The following NKAIN3 variants were observed in gnomAD, a reference collection of about 807,000 sequenced individuals.
NKAIN3 encodes the protein sodium/potassium transporting ATPase interacting 3.
NKAIN3 carries 25 observed loss-of-function variants against 30.2 expected under a neutral mutation model. The observed-to-expected ratio is 0.83, with a 90% confidence interval of 0.60 to 1.16. The LOEUF (loss-of-function observed/expected upper bound fraction) is 1.16, where lower values mean the gene tolerates loss of function less well. NKAIN3 is among the 50% of genes most tolerant of loss of function. The probability of loss-of-function intolerance (pLI) is 0.00; values close to 1 mark genes in which losing one functional copy is unlikely to be tolerated. For missense variants in NKAIN3, 225 were observed against 254.1 expected (o/e 0.89, Z 0.78); for synonymous variants, 91 against 89.6 (o/e 1.02, Z -0.09).
chr8:62,881,768 G>C (rs1165167193), intron 4 of NKAIN3, among the ~76,000 whole-genome samples: 1 of 152,190 alleles, frequency 6.6e-6, no homozygotes, highest in Non-Finnish European at 1.5e-5. Context: ...GTGATTGCTG[G>C]ATCATATGGT....
chr8:62,666,747 C>T (rs1054700827), intron 3 of NKAIN3, among the ~76,000 whole-genome samples: 2 of 151,930 alleles, frequency 1.3e-5, no homozygotes, highest in African/African-American at 4.8e-5. Flanking sequence ...ATTATGGTGC[C>T]AAATAGAACT....
chr8:62,896,314 T>C (rs1488115195), intron 4 of NKAIN3, among the ~76,000 whole-genome samples: 1 of 151,994 alleles, frequency 6.6e-6, no homozygotes, highest in South Asian at 2.1e-4. Flanking sequence ...CTAATTACCT[T>C]CCAAAAGCAT....
chr8:62,749,683 T>A (rs1472706632), intron 4 of NKAIN3, among the ~76,000 whole-genome samples: 1 of 117,478 alleles, frequency 8.5e-6, no homozygotes, highest in Non-Finnish European at 1.8e-5. Context: ...TCTTTTCTTT[T>A]TTTTTTTTTT....
chr8:62,417,597 C>T (rs1804489329), intron 1 of NKAIN3, among the ~76,000 whole-genome samples: 1 of 152,236 alleles, frequency 6.6e-6, no homozygotes, highest in African/African-American at 2.4e-5. Context: ...CAACAGTATA[C>T]AAGAGTTCTC....
intron 3 of NKAIN3, among the ~76,000 whole-genome samples, chr8:62,593,402 A>C (rs1172628316): frequency 6.6e-6 from 1 of 152,012 alleles, no homozygotes; most frequent in African/African-American, 2.4e-5. Flanking sequence ...GAAGAAATGT[A>C]GATTTAAGTT....
intron 3 of NKAIN3, among the ~76,000 whole-genome samples, chr8:62,622,005 T>C (rs1038323247): frequency 2.6e-5 from 4 of 152,096 alleles, no homozygotes; most frequent in African/African-American, 7.2e-5. Flanking sequence ...CCTACATGTC[T>C]ATAATTGTGG....
chr8:62,950,340 T>G (rs1162147230), intron 5 of NKAIN3, among the ~76,000 whole-genome samples: 2 of 152,184 alleles, frequency 1.3e-5, no homozygotes, highest in African/African-American at 4.8e-5. Context: ...ACAAACTGTT[T>G]TTTAATATGA....
chr8:62,779,365 T>C (rs192057934), intron 4 of NKAIN3, among the ~76,000 whole-genome samples: 1 of 152,282 alleles, frequency 6.6e-6, no homozygotes, highest in African/African-American at 2.4e-5. Context: ...ATGGCAAGGC[T>C]TGCCAGAACC....
At chr8:62,311,311 A>G (rs1435889625) in intron 1 of NKAIN3, among the ~76,000 whole-genome samples, 1 of 150,296 alleles carries the variant, frequency 6.7e-6, no homozygotes, top group African/African-American at 2.5e-5. Context: ...GGAAAGAGTC[A>G]AAGAAAGCAG....
intron 1 of NKAIN3, among the ~76,000 whole-genome samples, chr8:62,340,329 G>T (rs1319370012): frequency 1.3e-5 from 2 of 151,930 alleles, no homozygotes; most frequent in South Asian, 2.1e-4. Flanking sequence ...CCTATCAAAT[G>T]AGGGTCTTCA....
At chr8:62,431,325 A>C (rs2129597486) in intron 1 of NKAIN3, among the ~76,000 whole-genome samples, 1 of 152,080 alleles carries the variant, frequency 6.6e-6, no homozygotes, top group African/African-American at 2.4e-5. Flanking sequence ...ACAAAGACCC[A>C]AGATGAACAT....
In NKAIN3 at chr8:62,606,426, A is replaced by G. The variant is rs112794458; in HGVS notation, c.273+16632A>G. ...GACCATTTCAGTGCACAACTGCACT[A>G]TTTAGCTTAGAGTCAATACTGATTC... is the stretch of plus-strand genomic sequence containing the variant. On this transcript the variant is annotated intron_variant, in intron 3 of 6. Coordinates refer to ENST00000623646, the MANE Select transcript of NKAIN3 (RefSeq NM_001304533.3). Among the ~76,000 whole-genome samples, 497 of 152,250 alleles carry G rather than the reference A, an allele frequency of 3.3e-3. 2 individuals are homozygous for G. The highest frequency in any genetic ancestry group is 0.01 in the African/African-American group (433 of 41,568).
chr8:62,393,752 T>A (rs1231564970), intron 1 of NKAIN3, among the ~76,000 whole-genome samples: 1 of 152,112 alleles, frequency 6.6e-6, no homozygotes, highest in Non-Finnish European at 1.5e-5. Context: ...TCCATTTAGA[T>A]AAGCCTTAAC....
At chr8:62,758,882 A>G (rs1028683571) in intron 4 of NKAIN3, among the ~76,000 whole-genome samples, 1 of 152,204 alleles carries the variant, frequency 6.6e-6, no homozygotes, top group Non-Finnish European at 1.5e-5. Context: ...AAGAATCCCA[A>G]TATGAATTTT....
At chr8:62,758,945 C>A (rs893236414) in intron 4 of NKAIN3, among the ~76,000 whole-genome samples, 1 of 152,128 alleles carries the variant, frequency 6.6e-6, no homozygotes, top group African/African-American at 2.4e-5. Flanking sequence ...AAACAATAAA[C>A]TTGGGATTCT....
At chr8:62,894,312 T>C (rs190020433) in intron 4 of NKAIN3, among the ~76,000 whole-genome samples, 10 of 152,288 alleles carry the variant, frequency 6.6e-5, no homozygotes, top group Admixed American at 6.5e-4. Context: ...TTTTCACCTT[T>C]AGTGAAAAGA....
rs371386134 is a variant in NKAIN3 at position 62,323,976 on chromosome 8, G to C, written c.54+74849G>C. ...GTACAGAGGGAGGGAGAGAGGGAAG[G>C]ACGAATAGCTGAAGCACAACAGATT... On this transcript the variant is annotated intron_variant, in intron 1 of 6. Coordinates refer to ENST00000623646, the MANE Select transcript of NKAIN3 (RefSeq NM_001304533.3). Among the ~76,000 whole-genome samples, 14 of 152,162 alleles carry C rather than the reference G, an allele frequency of 9.2e-5. No individual in the cohort carries two copies. In the East Asian group the frequency reaches 1.5e-3, roughly 17 times the overall value.
At chr8:62,319,425 G>A (rs1814790426) in intron 1 of NKAIN3, among the ~76,000 whole-genome samples, 1 of 151,952 alleles carries the variant, frequency 6.6e-6, no homozygotes, top group African/African-American at 2.4e-5. Flanking sequence ...TGTGATGTTA[G>A]GGTCTCAATT....
chr8:62,672,368 A>T (rs1312812535), intron 3 of NKAIN3, among the ~76,000 whole-genome samples: 1 of 152,186 alleles, frequency 6.6e-6, no homozygotes, highest in African/African-American at 2.4e-5. Flanking sequence ...ACCAAGAAAC[A>T]CTAATCCTCA....
Sources: gnomAD v4.1 joint callset for allele counts (sites outside exome capture counted in the v4.1 genomes callset) on GRCh38, gnomAD v4.1.1 for gene constraint, MANE v1.5 for transcripts, NCBI Gene and HGNC (gene_info 2026-07-23, HGNC 2026-07-21) for gene names.